Variants in DENND3 observed in about 807,000 individuals in gnomAD.
The protein encoded by DENND3 is DENN domain-containing protein 3.
In DENND3, 88 loss-of-function variants were observed where a neutral mutation model predicts 135.1. That is an observed-to-expected ratio of 0.65 (90% confidence interval 0.55 to 0.78). The LOEUF is 0.78. Among genes scored for constraint, DENND3 ranks in the 30% least tolerant of loss-of-function variants. The pLI, the probability that DENND3 is intolerant of heterozygous loss-of-function variation, is 0.00. For missense variants in DENND3, 1,392 were observed against 1,688.4 expected, an observed-to-expected ratio of 0.82 and a Z score of 3.08; for synonymous variants, 693 against 712.3, an observed-to-expected ratio of 0.97 and a Z score of 0.43.
At chr8:141,157,355 C>A in intron 8 of DENND3, 1 of 985,366 alleles carries the variant, frequency 1.0e-6, no homozygotes, top group African/African-American at 1.7e-5. Flanking sequence ...GCCAGGGCTC[C>A]CTCGGGGTTG....
Position 141,167,008 on chromosome 8 carries a change from G to A in DENND3, c.1753+619G>A, listed in dbSNP as rs578114214. 4.0e-4 allele frequency among the ~76,000 whole-genome samples: 61 copies of A among 152,252 alleles called. No individual in the cohort carries two copies. Among genetic ancestry groups the A allele is most frequent in the Admixed American group, 2.8e-3 (43 of 15,298 alleles). ...CCAGGGCACCTGCTGCTGCTGTCTCGGGCCCAGGCAGCAAGTACCATGTGG... is the reference window on the plus strand; with the variant it reads ...CCAGGGCACCTGCTGCTGCTGTCTCAGGCCCAGGCAGCAAGTACCATGTGG... On this transcript the variant is annotated intron_variant, in intron 12 of 22. Coordinates refer to ENST00000519811, the MANE Select transcript of DENND3 (RefSeq NM_001352890.3). This position sits in a 1 kb window ranked among gnomAD's most constrained non-coding sequence, Gnocchi z 4.1.
At chr8:141,180,479 G>A (rs1386815843) in intron 16 of DENND3, among the ~76,000 whole-genome samples, 1 of 152,170 alleles carries the variant, frequency 6.6e-6, no homozygotes, top group Non-Finnish European at 1.5e-5. Flanking sequence ...AAGGCAGCTC[G>A]AGGCATAGGG....
At chr8:141,186,157 C>T (rs1003042204) in intron 18 of DENND3, among the ~76,000 whole-genome samples, 5 of 152,094 alleles carry the variant, frequency 3.3e-5, no homozygotes, top group Non-Finnish European at 4.4e-5. Flanking sequence ...AGGCTGGGAA[C>T]GATGTCTTCC....
chr8:141,183,640 G>T (rs370892624), intron 17 of DENND3, among the ~76,000 whole-genome samples: 2 of 151,678 alleles, frequency 1.3e-5, no homozygotes, highest in Non-Finnish European at 2.9e-5. Flanking sequence ...AAAATTGAGG[G>T]TAGAAGACCA....
At position 141,166,128 on chromosome 8, in the gene DENND3, T is replaced by G; in HGVS notation, c.1554-62T>G. 1 of 1,533,082 alleles carries G rather than the reference T, an allele frequency of 6.5e-7. No homozygotes were observed. 95.0% of individuals were successfully genotyped at this position (1,533,082 alleles called of 1,614,324 possible). A position where few individuals can be genotyped will look rare whatever the true frequency, so the allele number is the denominator to read the frequency against. On this transcript the variant is annotated intron_variant, in intron 11 of 22. Coordinates refer to ENST00000519811, the MANE Select transcript of DENND3 (RefSeq NM_001352890.3). The surrounding 1 kb of genome is among the most constrained non-coding windows in gnomAD (Gnocchi z 4.3). ...ATCACACTGGGAAAAATGCTTAGTTTAGGCTTATTCTTCAATCATTATTGT... is the reference window on the plus strand; with the variant it reads ...ATCACACTGGGAAAAATGCTTAGTTGAGGCTTATTCTTCAATCATTATTGT...
chr8:141,178,165 G>A lies in DENND3; in HGVS notation c.2805G>A (p.Lys935=). ...QSPGAIYAAS[K]LSYFDKMSNE... is the part of the protein sequence containing the mutation. ...CAGGCGCCATCTACGCTGCCTCCAA[G>A]TTATCCTACTTTGATAAGATGAGTA... Residue 935 remains lysine (K), a synonymous_variant, in exon 16 of 23, where the codon AAG becomes AAA. Coordinates refer to ENST00000519811, the MANE Select transcript of DENND3 (RefSeq NM_001352890.3). The A allele has an allele frequency of 6.2e-7, 1 of 1,613,146 alleles. No homozygotes were observed. The highest frequency in any genetic ancestry group is 1.7e-4 in the Middle Eastern group (1 of 6,058).
intron 18 of DENND3, chr8:141,188,356 G>A (rs1210069053): frequency 6.6e-6 from 1 of 152,210 alleles, no homozygotes; most frequent in African/African-American, 2.4e-5. Flanking sequence ...TGCCAGTTCT[G>A]CTTGTTCACA....
At chr8:141,183,950 C>G (rs1589703129) in intron 17 of DENND3, among the ~76,000 whole-genome samples, 1 of 152,092 alleles carries the variant, frequency 6.6e-6, no homozygotes, top group African/African-American at 2.4e-5. Flanking sequence ...TGTGGCTGGG[C>G]CTCCCTGCGG....
chr8:141,141,441 T>C lies in DENND3; in HGVS notation c.623+117T>C, dbSNP rs1817444657. 3.1e-5 allele frequency: 33 copies of C among 1,077,718 alleles called. No homozygotes were observed. In the South Asian group the frequency reaches 4.2e-4, roughly 14 times the overall value. 66.8% of individuals were successfully genotyped at this position (1,077,718 alleles called of 1,614,324 possible). On this transcript the variant is annotated intron_variant, in intron 4 of 22. Coordinates refer to ENST00000519811, the MANE Select transcript of DENND3 (RefSeq NM_001352890.3). The surrounding 1 kb of genome is among the most constrained non-coding windows in gnomAD (Gnocchi z 5.3). The stretch of plus-strand genomic sequence containing the variant: ...GGGGGGCAGCTCTCTGTTCCTCTCC[T>C]GGTGAGCCGGGGGACCGGGCGCTGG...
chr8:141,183,736 GTT>G (rs770129781), intron 17 of DENND3, among the ~76,000 whole-genome samples: 9 of 121,792 alleles, frequency 7.4e-5, no homozygotes, highest in African/African-American at 2.6e-4. Context: ...TTTTTGTTTT[GTT>G]TTTTTTTTTT....
intron 8 of DENND3, 42 bp from the exon 9 acceptor site, chr8:141,160,590 G>T: frequency 6.4e-7 from 1 of 1,556,612 alleles, no homozygotes; most frequent in Non-Finnish European, 8.7e-7. Context: ...GCCGTGGCCA[G>T]TGCTGCTGGG....
chr8:141,142,648 A>G, intron 4 of DENND3: 1 of 286,280 alleles, frequency 3.5e-6, no homozygotes, highest in South Asian at 2.6e-5. Context: ...TGAATTGAGC[A>G]CATGCATGTT....
intron 9 of DENND3, 48 bp downstream of exon 9, chr8:141,160,835 C>G (rs749377654): frequency 3.8e-6 from 6 of 1,578,168 alleles, no homozygotes; most frequent in Non-Finnish European, 5.2e-6. Flanking sequence ...AACCAGCCAG[C>G]CATCCATTCT....
chr8:141,178,319 T>C (rs956620917), intron 16 of DENND3, 123 bp downstream of exon 16: 2 of 1,387,472 alleles, frequency 1.4e-6, no homozygotes, highest in Non-Finnish European at 1.9e-6. Flanking sequence ...TTTTCTTTTA[T>C]ATTTGTAATT....
intron 22 of DENND3, 54 bp downstream of exon 22, chr8:141,192,717 G>A: frequency 6.2e-7 from 1 of 1,609,090 alleles, no homozygotes; most frequent in East Asian, 2.2e-5. Context: ...CGCTTGCCCT[G>A]GCCGCATCCC....
At chr8:141,171,115 G>A (rs1589657806) in intron 13 of DENND3, among the ~76,000 whole-genome samples, 1 of 152,152 alleles carries the variant, frequency 6.6e-6, no homozygotes, top group African/African-American at 2.4e-5. Context: ...ATTAGGTTAG[G>A]AAATGGTCTT....
intron 1 of DENND3, among the ~76,000 whole-genome samples, chr8:141,131,209 T>G (rs929659291): frequency 6.6e-6 from 1 of 152,130 alleles, no homozygotes. Flanking sequence ...TAATGTTAGT[T>G]ACTGTGGTTA....
chr8:141,160,671 C>T lies in DENND3; in HGVS notation c.1236C>T (p.Ala412=), dbSNP rs1363157295. The T allele has an allele frequency of 6.2e-7, 1 of 1,612,280 alleles. No homozygotes were observed. Among genetic ancestry groups the T allele is most frequent in the South Asian group, 1.1e-5 (1 of 90,998 alleles). The change falls in exon 9 of 23, where the codon GCC becomes GCT. Residue 412 remains alanine (A), a synonymous_variant. Transcript: ENST00000519811. ...SLQLHHELHA[A]HLLSSTDLKE... ...AGCTCCACCATGAGCTGCACGCCGC[C>T]CACCTCCTCTCCAGCACAGACCTGA... is the stretch of plus-strand genomic sequence containing the variant.
chr8:141,191,005 T>G (rs1265297407), intron 20 of DENND3, among the ~76,000 whole-genome samples: 2 of 152,260 alleles, frequency 1.3e-5, no homozygotes, highest in East Asian at 3.8e-4. Context: ...TGTGCCAGAT[T>G]ACATGAGTGA....
Sources: allele counts gnomAD v4.1 joint callset (sites outside exome capture counted in the v4.1 genomes callset), GRCh38; gene constraint gnomAD v4.1.1; non-coding constraint Gnocchi (gnomAD v3.1); transcripts MANE v1.5; gene names NCBI Gene and HGNC (gene_info 2026-07-23, HGNC 2026-07-21).